The following FHOD3 variants were observed in gnomAD, a reference collection of about 807,000 sequenced individuals.
The protein encoded by FHOD3 is formin homology 2 domain containing 3, also known as FH1/FH2 domain-containing protein 3.
FHOD3 carries 90 observed loss-of-function variants against 173.0 expected under a neutral mutation model. The ratio of observed to expected loss-of-function variants is 0.52; its 90% confidence interval spans 0.44 to 0.62. The LOEUF (loss-of-function observed/expected upper bound fraction) is 0.62, where lower values mean the gene tolerates loss of function less well. FHOD3 is among the 20% of genes least tolerant of loss of function. The pLI, the probability that FHOD3 is intolerant of heterozygous loss-of-function variation, is 0.00. For synonymous variants in FHOD3, 828 were observed against 823.0 expected (o/e 1.01, Z -0.10); for missense variants, 1,945 against 2,034.7 (o/e 0.96, Z 0.85).
At chr18:36,566,600 A>G (rs907529475) in intron 5 of FHOD3, among the ~76,000 whole-genome samples, 8 of 152,220 alleles carry the variant, frequency 5.3e-5, no homozygotes, top group African/African-American at 1.9e-4. Flanking sequence ...GAAGTATTTC[A>G]TGCCTTGGAA....
intron 1 of FHOD3, among the ~76,000 whole-genome samples, chr18:36,321,276 T>C (rs1197889742): frequency 6.6e-6 from 1 of 152,170 alleles, no homozygotes; most frequent in South Asian, 2.1e-4. Flanking sequence ...GGCCCATCTG[T>C]GCTCTTGTGG....
intron 3 of FHOD3, among the ~76,000 whole-genome samples, chr18:36,420,914 G>A (rs951427834): frequency 1.3e-5 from 2 of 152,162 alleles, no homozygotes; most frequent in African/African-American, 4.8e-5. Flanking sequence ...CATTTCAGCT[G>A]TTGACTCCTC....
intron 14 of FHOD3, among the ~76,000 whole-genome samples, chr18:36,670,687 C>T (rs2037475442): frequency 6.6e-6 from 1 of 152,050 alleles, no homozygotes; most frequent in Non-Finnish European, 1.5e-5. Flanking sequence ...TTTTTTTCTT[C>T]TGATTATGGC....
intron 5 of FHOD3, among the ~76,000 whole-genome samples, chr18:36,575,564 T>C (rs1296004666): frequency 6.6e-6 from 1 of 152,236 alleles, no homozygotes; most frequent in African/African-American, 2.4e-5. Context: ...TTTTCTAAAA[T>C]AAGCTGTTCT....
intron 8 of FHOD3, among the ~76,000 whole-genome samples, chr18:36,605,678 G>A (rs73431689): frequency 1.7e-3 from 265 of 152,168 alleles, no homozygotes; most frequent in African/African-American, 6.1e-3. Context: ...GCATAAATGC[G>A]TTAAACAAGT....
chr18:36,514,175 A>AT (rs1053924924), intron 5 of FHOD3, among the ~76,000 whole-genome samples: 6 of 151,280 alleles, frequency 4.0e-5, no homozygotes, highest in Admixed American at 1.3e-4. Flanking sequence ...TGCCCAGCTA[A>AT]TTTTTTTGTA....
chr18:36,696,108 A>G (rs981947100), intron 17 of FHOD3, among the ~76,000 whole-genome samples: 1 of 152,124 alleles, frequency 6.6e-6, no homozygotes, highest in African/African-American at 2.4e-5. Flanking sequence ...CTGGGTAGGT[A>G]GGGGAGATGT....
In FHOD3 at chr18:36,718,715, G is replaced by T. The variant is rs2040598476; in HGVS notation, c.3417G>T (p.Lys1139Asn). 2 of 1,609,866 alleles carry T rather than the reference G, an allele frequency of 1.2e-6. No homozygotes were observed. Among genetic ancestry groups the T allele is most frequent in the African/African-American group, 2.7e-5 (2 of 74,758 alleles). ...AATCCAAGGAACTGTCTGTCTCAAA[G>T]GTACTGCTAGTCTTCAGCATGCTTC... ...ESKSKELSVS[K>N]KTAADGKRQE... Residue 1139 changes from lysine to asparagine, a missense_variant and splice_region_variant, in exon 19 of 29, where the codon AAG (lysine) becomes AAT (asparagine). Physicochemically the swap from Lys to Asn is moderately conservative, Grantham distance 94. Transcript: ENST00000590592.
intron 17 of FHOD3, among the ~76,000 whole-genome samples, chr18:36,695,195 C>CA (rs2039206007): frequency 2.0e-5 from 3 of 150,020 alleles, no homozygotes; most frequent in African/African-American, 7.4e-5. Context: ...AAAAAAAATA[C>CA]AAAAAAATTA....
At chr18:36,378,874 A>C (rs2047592215) in intron 3 of FHOD3, among the ~76,000 whole-genome samples, 1 of 152,046 alleles carries the variant, frequency 6.6e-6, no homozygotes, top group East Asian at 1.9e-4. Context: ...TAGTAAAGAC[A>C]GGGTTTCACC....
intron 23 of FHOD3, among the ~76,000 whole-genome samples, chr18:36,746,488 A>T (rs1568719662): frequency 6.6e-6 from 1 of 152,210 alleles, no homozygotes; most frequent in Non-Finnish European, 1.5e-5. Flanking sequence ...GGAGATCATC[A>T]CGAAGAGAAG....
chr18:36,677,968 T>C (rs758400736), intron 14 of FHOD3, among the ~76,000 whole-genome samples: 1 of 152,216 alleles, frequency 6.6e-6, no homozygotes, highest in Non-Finnish European at 1.5e-5. Flanking sequence ...ATTAACTTGG[T>C]AAATTGTTGC....
chr18:36,344,203 T>C (rs563149027), intron 1 of FHOD3, among the ~76,000 whole-genome samples: 1 of 151,942 alleles, frequency 6.6e-6, no homozygotes, highest in African/African-American at 2.4e-5. Context: ...CTAAAGAGAG[T>C]TCTTCAGGCA....
intron 15 of FHOD3, among the ~76,000 whole-genome samples, chr18:36,682,371 T>A (rs936870899): frequency 6.6e-6 from 1 of 152,174 alleles, no homozygotes; most frequent in Non-Finnish European, 1.5e-5. Context: ...CACCTCCTCC[T>A]ATACTTTCTC....
chr18:36,700,464 T>G (rs2039518365), intron 17 of FHOD3, among the ~76,000 whole-genome samples: 1 of 152,234 alleles, frequency 6.6e-6, no homozygotes, highest in Admixed American at 6.5e-5. Flanking sequence ...AACATTCATA[T>G]AATTTTTGAT....
At chr18:36,574,821 A>G (rs1296771413) in intron 5 of FHOD3, among the ~76,000 whole-genome samples, 3 of 152,208 alleles carry the variant, frequency 2.0e-5, no homozygotes, top group Non-Finnish European at 4.4e-5. Flanking sequence ...GTGTTTTACC[A>G]TTAAATAGAC....
At chr18:36,321,180 A>T (rs186799499) in intron 1 of FHOD3, among the ~76,000 whole-genome samples, 2 of 151,932 alleles carry the variant, frequency 1.3e-5, no homozygotes, top group Admixed American at 6.6e-5. Context: ...GTGGTTCTGC[A>T]TCGTTCTTCT....
intron 6 of FHOD3, among the ~76,000 whole-genome samples, chr18:36,592,708 G>C (rs1169141943): frequency 6.6e-6 from 1 of 152,184 alleles, no homozygotes; most frequent in African/African-American, 2.4e-5. Context: ...TGAGGGAAGT[G>C]CAGGCAAACC....
At chr18:36,749,163 A>G (rs1194073085) in intron 24 of FHOD3, among the ~76,000 whole-genome samples, 4 of 152,280 alleles carry the variant, frequency 2.6e-5, no homozygotes, top group African/African-American at 7.2e-5. Flanking sequence ...TTTGTTTTGG[A>G]TGTTCAAACC....
Sources: allele counts gnomAD v4.1 joint callset (sites outside exome capture counted in the v4.1 genomes callset), GRCh38; gene constraint gnomAD v4.1.1; transcripts MANE v1.5; gene names NCBI Gene and HGNC (gene_info 2026-07-23, HGNC 2026-07-21).